CYTH3: variants seen among roughly 807,000 people sequenced by gnomAD.
The protein encoded by CYTH3 is cytohesin-3.
A neutral mutation model predicts 55.1 loss-of-function variants in CYTH3; 23 were observed. The ratio of observed to expected loss-of-function variants is 0.42; its 90% CI spans 0.30 to 0.59. The LOEUF is 0.59. CYTH3 is among the 20% of genes least tolerant of loss of function. The probability of loss-of-function intolerance (pLI) is 0.20; values close to 1 mark genes in which losing one functional copy is unlikely to be tolerated. For missense variants in CYTH3, 413 were observed against 524.8 expected, an observed-to-expected ratio of 0.79 and a Z score of 2.08; for synonymous variants, 249 against 194.9, an observed-to-expected ratio of 1.28 and a Z score of -2.31.
chr7:6,245,459 A>C (rs958989225), intron 1 of CYTH3, among the ~76,000 whole-genome samples: 2 of 152,062 alleles, frequency 1.3e-5, no homozygotes, highest in African/African-American at 2.4e-5. Context: ...TTTCTTTTTC[A>C]TCCCAGCCTT....
intron 1 of CYTH3, among the ~76,000 whole-genome samples, chr7:6,258,523 C>A (rs1011905318): frequency 6.6e-6 from 1 of 152,088 alleles, no homozygotes; most frequent in Non-Finnish European, 1.5e-5. Flanking sequence ...GTGATAAAGT[C>A]CTCTTCCCTG....
chr7:6,206,542 A>G (rs555004183), intron 1 of CYTH3, among the ~76,000 whole-genome samples: 126 of 152,350 alleles, frequency 8.3e-4, no homozygotes, highest in Admixed American at 1.5e-3. Context: ...TAGATGCACA[A>G]GGGTGTGTGT....
intron 1 of CYTH3, among the ~76,000 whole-genome samples, chr7:6,232,138 T>A (rs1779404236): frequency 6.6e-6 from 1 of 152,164 alleles, no homozygotes; most frequent in Non-Finnish European, 1.5e-5. Context: ...CCATTGCCAA[T>A]CCCCAATCCT....
intron 1 of CYTH3, among the ~76,000 whole-genome samples, chr7:6,271,002 GTCTT>G (rs1780635074): frequency 6.6e-6 from 1 of 152,134 alleles, no homozygotes; most frequent in African/African-American, 2.4e-5. Context: ...TATTACAGTT[GTCTT>G]TCTTTTCTAA....
intron 1 of CYTH3, among the ~76,000 whole-genome samples, chr7:6,244,226 G>GA (rs974940741): frequency 6.6e-6 from 1 of 152,032 alleles, no homozygotes; most frequent in South Asian, 2.1e-4. Flanking sequence ...AGCCTGGGGG[G>GA]AAAAAAACAG....
chr7:6,229,542 G>T (rs777166108), intron 1 of CYTH3, among the ~76,000 whole-genome samples: 29 of 151,670 alleles, frequency 1.9e-4, no homozygotes, highest in Admixed American at 1.4e-3. Context: ...GGGCGCAGTG[G>T]TTCACGCCTG....
intron 1 of CYTH3, among the ~76,000 whole-genome samples, chr7:6,215,638 A>C (rs1439078569): frequency 6.6e-6 from 1 of 152,146 alleles, no homozygotes; most frequent in African/African-American, 2.4e-5. Flanking sequence ...GTGGGCTAGA[A>C]AAACATTTTT....
intron 4 of CYTH3, among the ~76,000 whole-genome samples, chr7:6,179,725 ACACACACACCCAC>A (rs1783438189): frequency 2.7e-5 from 2 of 74,308 alleles, no homozygotes; most frequent in South Asian, 9.4e-4. Context: ...CACACACCAC[ACACACACACCCAC>A]CACACACACC....
intron 1 of CYTH3, among the ~76,000 whole-genome samples, chr7:6,256,620 G>A (rs990350123): frequency 5.9e-5 from 9 of 152,362 alleles, no homozygotes; most frequent in Middle Eastern, 6.8e-3. Context: ...AGCGGTGGAA[G>A]CAGTGGGAAG....
At chr7:6,259,810 TATAATATATATATATATATA>T (rs1780293606) in intron 1 of CYTH3, among the ~76,000 whole-genome samples, 1 of 29,992 alleles carries the variant, frequency 3.3e-5, no homozygotes, top group Non-Finnish European at 4.7e-5. Context: ...TATATATATA[TATAATATATATATATATATA>T]TATTTTTTTT....
At position 6,164,984 on chromosome 7, in the gene CYTH3, A is replaced by G; in HGVS notation, c.1160T>C (p.Met387Thr). ...ASISRDPFYD[M>T]LATRKRRIAN... ...AATCCTTCGTTTCCTCGTTGCCAAC[A>G]TGTCATAGAAGGGATCTCTGCTGAT... Residue 387 changes from methionine to threonine, a missense_variant, in exon 13 of 13, where the codon ATG (methionine) becomes ACG (threonine). Around this residue, in one of 4 missense-constraint regions of CYTH3, gnomAD observed 98 missense variants for 115.2 expected, o/e 0.85. Transcript: ENST00000350796. 1 of 1,614,224 alleles carries G rather than the reference A, an allele frequency of 6.2e-7. No homozygotes were observed.
In CYTH3 at chr7:6,165,859, C is replaced by T. The variant is rs369910190; in HGVS notation, c.824-49G>A. ...GTCTGCGCTCCGTGCACAGGGAGCC[C>T]GCGGGTCCAAGAGGGGGCCCTGGAC... On this transcript the variant is annotated intron_variant, in intron 9 of 12. Coordinates refer to ENST00000350796, the MANE Select transcript of CYTH3 (RefSeq NM_004227.4). 73 of 1,600,082 alleles carry T rather than the reference C, an allele frequency of 4.6e-5. 1 individual carries two copies. Among genetic ancestry groups the T allele is most frequent in the Non-Finnish European group, 5.6e-5 (66 of 1,168,616 alleles).
At chr7:6,217,991 T>A (rs1324077890) in intron 1 of CYTH3, among the ~76,000 whole-genome samples, 1 of 152,136 alleles carries the variant, frequency 6.6e-6, no homozygotes, top group Non-Finnish European at 1.5e-5. Context: ...AAGTCCAGCC[T>A]GGGCAACATG....
chr7:6,222,393 G>C (rs1372273500), intron 1 of CYTH3, among the ~76,000 whole-genome samples: 1 of 152,176 alleles, frequency 6.6e-6, no homozygotes, highest in Non-Finnish European at 1.5e-5. Flanking sequence ...CTGAAGAGAG[G>C]AGTCATTAAC....
At chr7:6,234,406 T>C (rs532029361) in intron 1 of CYTH3, among the ~76,000 whole-genome samples, 56 of 152,338 alleles carry the variant, frequency 3.7e-4, no homozygotes, top group African/African-American at 1.3e-3. Flanking sequence ...ACAGAGCCTA[T>C]TGGAGGAAAA....
rs749717900 is a variant in CYTH3 at position 6,165,443 on chromosome 7, A to G, written c.973-16T>C. 14 of 1,610,182 alleles carry G rather than the reference A, an allele frequency of 8.7e-6. No individual in the cohort carries two copies. The highest frequency in any genetic ancestry group is 1.7e-4 in the Middle Eastern group (1 of 6,048). The stretch of plus-strand genomic sequence containing the variant: ...CAAAACAGTTCTGGTGGAGAAAGAG[A>G]GAGGGGAGGCGGTCAGGGGGGCTTG... On this transcript the variant is annotated splice_polypyrimidine_tract_variant and intron_variant, in intron 11 of 12. Transcript: ENST00000350796.
rs1583214665 is a variant in CYTH3 at position 6,272,558 on chromosome 7, C to G, written c.-51G>C. The G allele has an allele frequency of 5.8e-6, 7 of 1,212,024 alleles. No homozygotes were observed. The highest frequency in any genetic ancestry group is 4.8e-5 in the African/African-American group (3 of 61,908). The allele number at this position is 1,212,024 out of a possible 1,614,324, so 75.1% of individuals were successfully genotyped here. ...AGCCGGGGGCCGGCAGCAGAGGGGC[C>G]GCGGGCTGGGGACGCCGCCGGAGGG... On this transcript the variant is annotated 5_prime_UTR_variant, in exon 1 of 13. Transcript: ENST00000350796.
At chr7:6,168,208 C>T (rs1349912291) in intron 9 of CYTH3, among the ~76,000 whole-genome samples, 1 of 151,104 alleles carries the variant, frequency 6.6e-6, no homozygotes, top group African/African-American at 2.4e-5. Context: ...CGGATTGGGC[C>T]ACCTCCTAGG....
At chr7:6,173,765 A>G (rs17136059) in intron 5 of CYTH3, 32 bp from the exon 6 acceptor site, 234,496 of 1,258,966 alleles carry the variant, frequency 0.19, 24,237 homozygotes, top group African/African-American at 0.4. Context: ...TTCAAACCTA[A>G]TGTACATTAT....
Sources: gnomAD v4.1 joint callset for allele counts (sites outside exome capture counted in the v4.1 genomes callset) on GRCh38, gnomAD v4.1.1 for gene constraint, gnomAD v4.1.1 regional missense constraint, MANE v1.5 for transcripts, NCBI Gene and HGNC (gene_info 2026-07-23, HGNC 2026-07-21) for gene names.